BBX: variants seen among roughly 807,000 people sequenced by gnomAD.
BBX encodes the protein BBX high mobility group box domain containing, also known as HMG box transcription factor BBX.
A neutral mutation model predicts 100.2 loss-of-function variants in BBX; 30 were observed. The observed-to-expected ratio is 0.30, with a 90% CI of 0.22 to 0.41. BBX has a LOEUF of 0.41. Ranked by LOEUF, BBX falls within the 10% of genes least tolerant of loss-of-function variation. BBX has a pLI of 1.00. For synonymous variants in BBX, 376 were observed against 388.1 expected (o/e 0.97, Z 0.37); for missense variants, 1,023 against 1,129.8 (o/e 0.91, Z 1.35).
intron 13 of BBX, among the ~76,000 whole-genome samples, chr3:107,787,144 A>T (rs1352721605): frequency 6.6e-6 from 1 of 152,204 alleles, no homozygotes; most frequent in African/African-American, 2.4e-5. Context: ...ACAGATAATA[A>T]CAAATGTTGA....
chr3:107,567,786 T>C (rs1252079715), intron 2 of BBX, among the ~76,000 whole-genome samples: 1 of 152,222 alleles, frequency 6.6e-6, no homozygotes, highest in Admixed American at 6.5e-5. Flanking sequence ...TCCAGACTTT[T>C]CTTGGAATGA....
At chr3:107,639,350 A>T (rs1399711363) in intron 2 of BBX, among the ~76,000 whole-genome samples, 2 of 152,134 alleles carry the variant, frequency 1.3e-5, no homozygotes, top group Non-Finnish European at 2.9e-5. Context: ...ATGCCTAAAC[A>T]GTGTAGGTCA....
At chr3:107,767,621 G>A (rs563778649) in intron 10 of BBX, among the ~76,000 whole-genome samples, 3 of 152,138 alleles carry the variant, frequency 2.0e-5, no homozygotes, top group Non-Finnish European at 2.9e-5. Context: ...AAATACAGAC[G>A]ATTAATTCCT....
chr3:107,747,624 C>A (rs907546864), intron 8 of BBX, among the ~76,000 whole-genome samples: 1 of 151,818 alleles, frequency 6.6e-6, no homozygotes, highest in Non-Finnish European at 1.5e-5. Context: ...TCACTTGCAA[C>A]CTCCAGCTTT....
At chr3:107,565,375 T>A (rs1432627463) in intron 2 of BBX, among the ~76,000 whole-genome samples, 1 of 151,500 alleles carries the variant, frequency 6.6e-6, no homozygotes, top group Non-Finnish European at 1.5e-5. Flanking sequence ...TACATCCTTA[T>A]TTGTACATAT....
At chr3:107,769,326 TTG>T (rs1259149824) in intron 10 of BBX, among the ~76,000 whole-genome samples, 1 of 152,214 alleles carries the variant, frequency 6.6e-6, no homozygotes, top group Non-Finnish European at 1.5e-5. Flanking sequence ...CATTTACAAG[TTG>T]TGTTTGCATA....
chr3:107,750,637 C>G (rs938330523), intron 9 of BBX, among the ~76,000 whole-genome samples: 20 of 152,172 alleles, frequency 1.3e-4, no homozygotes, highest in African/African-American at 4.8e-4. Context: ...CCCTAACTTT[C>G]AATCTTTAAC....
intron 2 of BBX, among the ~76,000 whole-genome samples, chr3:107,645,208 G>C (rs1406771160): frequency 1.3e-5 from 2 of 152,118 alleles, no homozygotes; most frequent in African/African-American, 4.8e-5. Context: ...TATATTTGCA[G>C]TGTTATTAAA....
intron 7 of BBX, among the ~76,000 whole-genome samples, chr3:107,740,949 C>G (rs2064047098): frequency 6.7e-6 from 1 of 148,558 alleles, no homozygotes; most frequent in Admixed American, 6.8e-5. Flanking sequence ...CTTTGGTCAT[C>G]ATTTTATTCC....
intron 4 of BBX, among the ~76,000 whole-genome samples, chr3:107,714,449 C>G (rs1405877935): frequency 2.0e-5 from 3 of 152,084 alleles, no homozygotes; most frequent in African/African-American, 7.2e-5. Context: ...CTTTGTCCAT[C>G]TGTTACACGT....
chr3:107,725,774 G>A (rs190865820), intron 5 of BBX, among the ~76,000 whole-genome samples: 1 of 152,078 alleles, frequency 6.6e-6, no homozygotes, highest in Non-Finnish European at 1.5e-5. Context: ...TGTAAGTCAG[G>A]AACTATGTGT....
chr3:107,649,993 G>C (rs1269660604), intron 3 of BBX, among the ~76,000 whole-genome samples: 1 of 152,096 alleles, frequency 6.6e-6, no homozygotes, highest in South Asian at 2.1e-4. Flanking sequence ...TTTAGGCAAG[G>C]TACAAGAACA....
chr3:107,697,888 A>G (rs1222965744), intron 3 of BBX, among the ~76,000 whole-genome samples: 3 of 151,878 alleles, frequency 2.0e-5, no homozygotes, highest in Admixed American at 2.0e-4. Flanking sequence ...GGTGTGGGTT[A>G]TAATCTGCTG....
chr3:107,729,043 G>A, intron 6 of BBX, 83 bp downstream of exon 6: 2 of 1,413,666 alleles, frequency 1.4e-6, no homozygotes, highest in Non-Finnish European at 9.6e-7. Context: ...CTGAGGGCGG[G>A]GGGACAAAAT....
intron 3 of BBX, among the ~76,000 whole-genome samples, chr3:107,651,948 G>A (rs2057864078): frequency 6.6e-6 from 1 of 152,188 alleles, no homozygotes; most frequent in African/African-American, 2.4e-5. Flanking sequence ...AAAGAGGGCT[G>A]AGGAAGGGGC....
At chr3:107,707,395 T>C (rs1576437577) in intron 3 of BBX, among the ~76,000 whole-genome samples, 2 of 152,334 alleles carry the variant, frequency 1.3e-5, no homozygotes, top group South Asian at 4.1e-4. Context: ...ATATAAATAG[T>C]GAATCATCAT....
intron 8 of BBX, 82 bp from the exon 9 acceptor site, chr3:107,747,883 C>T (rs2064756283): frequency 6.1e-6 from 7 of 1,156,340 alleles, no homozygotes; most frequent in Non-Finnish European, 8.9e-6. Context: ...TCAGTGTCTA[C>T]AGTTGAAAAT....
chr3:107,801,354 T>G (rs774688764), intron 17 of BBX, 73 bp downstream of exon 17: 258 of 1,512,430 alleles, frequency 1.7e-4, no homozygotes, highest in Non-Finnish European at 2.2e-4. Flanking sequence ...TTTGTGACAT[T>G]TTTTACAGGG....
At chr3:107,632,115 C>T (rs544405686) in intron 2 of BBX, among the ~76,000 whole-genome samples, 5 of 152,152 alleles carry the variant, frequency 3.3e-5, no homozygotes, top group African/African-American at 9.6e-5. Flanking sequence ...CTCCCTCTGC[C>T]ACTCAGGCTG....
Sources: allele counts gnomAD v4.1 joint callset (sites outside exome capture counted in the v4.1 genomes callset), GRCh38; gene constraint gnomAD v4.1.1; transcripts MANE v1.5; gene names NCBI Gene and HGNC (gene_info 2026-07-23, HGNC 2026-07-21).